Variants in SCUBE2 observed in about 807,000 individuals in gnomAD.
SCUBE2 encodes signal peptide, CUB and EGF-like domain-containing protein 2.
In SCUBE2, 114 loss-of-function variants were observed where a neutral mutation model predicts 125.9. The ratio of observed to expected loss-of-function variants is 0.91; its 90% CI spans 0.78 to 1.06. The LOEUF (loss-of-function observed/expected upper bound fraction) is 1.06, where lower values mean the gene tolerates loss of function less well. Among genes scored for constraint, SCUBE2 ranks in the 50% least tolerant of loss-of-function variants. SCUBE2 has a pLI of 0.00. For missense variants in SCUBE2, 1,255 were observed against 1,301.8 expected (o/e 0.96, Z 0.55); for synonymous variants, 459 against 492.9 (o/e 0.93, Z 0.91).
At chr11:9,070,731 C>A (rs1462183084) in intron 4 of SCUBE2, among the ~76,000 whole-genome samples, 1 of 152,226 alleles carries the variant, frequency 6.6e-6, no homozygotes, top group African/African-American at 2.4e-5. Flanking sequence ...CCAGCTCCCA[C>A]TCCAGAGCTG....
chr11:9,052,931 T>C, intron 12 of SCUBE2, 99 bp from the exon 13 acceptor site: 1 of 1,083,918 alleles, frequency 9.2e-7, no homozygotes, highest in Non-Finnish European at 1.3e-6. Flanking sequence ...CATGGGCCAC[T>C]AGAAAAATGC....
At chr11:9,075,045 G>A (rs535698827) in intron 3 of SCUBE2, among the ~76,000 whole-genome samples, 9 of 152,006 alleles carry the variant, frequency 5.9e-5, no homozygotes, top group South Asian at 2.1e-4. Context: ...GTGAAACCCC[G>A]TCTCTATTAA....
At chr11:9,022,940 C>CTTTA (rs957927238) in intron 21 of SCUBE2, among the ~76,000 whole-genome samples, 3 of 152,022 alleles carry the variant, frequency 2.0e-5, no homozygotes, top group African/African-American at 7.2e-5. Flanking sequence ...CTCTTCTCTC[C>CTTTA]TTTATTTGAA....
chr11:9,063,236 ACT>A (rs1859861588), intron 7 of SCUBE2, among the ~76,000 whole-genome samples: 1 of 151,898 alleles, frequency 6.6e-6, no homozygotes, highest in East Asian at 1.9e-4. Context: ...ACAGAACAAG[ACT>A]CTGTCTCAAA....
intron 16 of SCUBE2, among the ~76,000 whole-genome samples, chr11:9,041,085 G>A (rs186116118): frequency 2.0e-5 from 3 of 152,322 alleles, no homozygotes; most frequent in Admixed American, 2.0e-4. Context: ...TATCAATAAT[G>A]AACTTCGCCC....
In SCUBE2 at chr11:9,091,478, C is replaced by T; in HGVS notation, c.51G>A (p.Leu17=). The T allele has an allele frequency of 7.9e-7, 1 of 1,270,332 alleles. No homozygotes were observed. The highest frequency in any genetic ancestry group is 1.0e-6 in the Non-Finnish European group (1 of 985,626). The allele number at this position is 1,270,332 out of a possible 1,614,324, so 78.7% of individuals were successfully genotyped here. The change falls in exon 1 of 23, where the codon CTG becomes CTA. Residue 17 remains leucine, a synonymous_variant. Transcript: ENST00000649792. This position sits in a 1 kb window ranked among gnomAD's most constrained non-coding sequence, Gnocchi z 8.5. ...GCAGTGGCGGCAGCAGCAGCAGCAG[C>T]AGCAGCACCGCCCAGGCCGCCCCGG... The part of the protein sequence containing the change: ...NRPGAAWAVL[L]LLLLLPPLLL...
At chr11:9,066,061 TC>T in intron 6 of SCUBE2, 81 bp from the exon 7 acceptor site, 2 of 930,600 alleles carry the variant, frequency 2.1e-6, no homozygotes, top group Non-Finnish European at 3.4e-6. Context: ...TTTGCTGAAA[TC>T]CCAGACATAA....
chr11:9,035,669 T>C (rs1050851533), intron 16 of SCUBE2, among the ~76,000 whole-genome samples: 1 of 152,150 alleles, frequency 6.6e-6, no homozygotes, highest in Non-Finnish European at 1.5e-5. Context: ...CGTTCTCTGT[T>C]ATAAGAAATA....
chr11:9,034,830 C>CAAAT (rs1856622879), intron 16 of SCUBE2, among the ~76,000 whole-genome samples: 1 of 151,550 alleles, frequency 6.6e-6, no homozygotes, highest in Non-Finnish European at 1.5e-5. Flanking sequence ...AAAAAACAAA[C>CAAAT]AAACAAAACA....
At chr11:9,068,613 A>T (rs935494113) in intron 5 of SCUBE2, among the ~76,000 whole-genome samples, 1 of 152,206 alleles carries the variant, frequency 6.6e-6, no homozygotes, top group African/African-American at 2.4e-5. Flanking sequence ...GAGGCTTCTG[A>T]TAGCAGAGGA....
chr11:9,065,662 G>C (rs926249556), intron 7 of SCUBE2, among the ~76,000 whole-genome samples: 1 of 152,114 alleles, frequency 6.6e-6, no homozygotes, highest in African/African-American at 2.4e-5. Flanking sequence ...GGCTGCATTG[G>C]GACGTTAACC....
chr11:9,027,442 G>C lies in SCUBE2; in HGVS notation c.2623C>G (p.Arg875Gly), dbSNP rs538070222. The C allele has an allele frequency of 6.2e-7, 1 of 1,613,952 alleles. No individual in the cohort carries two copies. The highest frequency in any genetic ancestry group is 1.3e-5 in the African/African-American group (1 of 74,880). ...ATCTCAGGGACCACGATCAGGATGC[G>C]GCGCTTGGGGGGTGGGTTGATGGTC... ...TWTINPPPKR[R>G]ILIVVPEIFL... Residue 875 changes from arginine to glycine, a missense_variant, in exon 20 of 23, where the codon CGC becomes GGC. Arg to Gly is a moderately radical substitution (Grantham distance 125). Around this residue, in one of 3 missense-constraint regions of SCUBE2, gnomAD observed 515 missense variants for 515.7 expected, o/e 1.00. Coordinates refer to ENST00000649792, the MANE Select transcript of SCUBE2 (RefSeq NM_001367977.2).
Position 9,021,007 on chromosome 11 carries a change from A to G in SCUBE2, c.*38T>C. 2 of 1,594,086 alleles carry G rather than the reference A, an allele frequency of 1.3e-6. No homozygotes were observed. The highest frequency in any genetic ancestry group is 1.3e-5 in the African/African-American group (1 of 74,602). On this transcript the variant is annotated 3_prime_UTR_variant, in exon 23 of 23. Transcript: ENST00000649792. ...AAGACAGCTCTGTCCCACCAACCCT[A>G]TAGCAGAACATTTGTATTGAGTGGC...
chr11:9,066,102 C>T (rs960410941), intron 6 of SCUBE2, 122 bp from the exon 7 acceptor site: 15 of 680,864 alleles, frequency 2.2e-5, no homozygotes, highest in Admixed American at 1.0e-4. Context: ...ACTCTGTTCA[C>T]GCAATAAAAA....
rs1180517586 is a variant in SCUBE2, at chr11:9,091,588, G to T, written c.-60C>A. On this transcript the variant is annotated 5_prime_UTR_variant, in exon 1 of 23. Coordinates refer to ENST00000649792, the MANE Select transcript of SCUBE2 (RefSeq NM_001367977.2). This position sits in a 1 kb window ranked among gnomAD's most constrained non-coding sequence, Gnocchi z 8.5. The stretch of plus-strand genomic sequence containing the variant: ...GTGCGGGCGGTGGCGGCGGCGGCGC[G>T]GGGAGGTGTGCGCGGACGCCCTGCC... The T allele has an allele frequency of 3.0e-6, 1 of 329,268 alleles. No individual in the cohort carries two copies. The allele number at this position is 329,268 out of a possible 1,614,324, so 20.4% of individuals were successfully genotyped here.
chr11:9,074,629 G>C lies in SCUBE2; in HGVS notation c.383-14C>G, dbSNP rs888932702. 1 of 1,614,112 alleles carries C rather than the reference G, an allele frequency of 6.2e-7. No individual in the cohort carries two copies. Among genetic ancestry groups the C allele is most frequent in the Non-Finnish European group, 8.5e-7 (1 of 1,179,966 alleles). On this transcript the variant is annotated splice_polypyrimidine_tract_variant and intron_variant, in intron 3 of 22. Coordinates refer to ENST00000649792, the MANE Select transcript of SCUBE2 (RefSeq NM_001367977.2). ...ACTCGTCCACATCTGGAAGGAGAGA[G>C]GGATTAGCCTTTGCTTTGGTGACTG...
chr11:9,028,862 A>G (rs1180267498), intron 19 of SCUBE2, among the ~76,000 whole-genome samples: 3 of 152,182 alleles, frequency 2.0e-5, no homozygotes, highest in African/African-American at 4.8e-5. Context: ...CTAAAGTCCA[A>G]TCCACCAACA....
intron 3 of SCUBE2, among the ~76,000 whole-genome samples, chr11:9,076,333 G>A (rs1248513613): frequency 1.3e-5 from 2 of 151,916 alleles, no homozygotes; most frequent in African/African-American, 4.8e-5. Context: ...GGCCTTAGGG[G>A]ACCTTCCTCC....
chr11:9,074,451 C>T (rs1481249097), intron 4 of SCUBE2, 30 bp downstream of exon 4: 1 of 1,612,864 alleles, frequency 6.2e-7, no homozygotes. Flanking sequence ...AGATGTGGCT[C>T]TGCCCCCATC....
Sources: gnomAD v4.1 joint callset for allele counts (sites outside exome capture counted in the v4.1 genomes callset) on GRCh38, gnomAD v4.1.1 for gene constraint, gnomAD v4.1.1 regional missense constraint, Gnocchi (gnomAD v3.1) non-coding constraint, MANE v1.5 for transcripts, NCBI Gene and HGNC (gene_info 2026-07-23, HGNC 2026-07-21) for gene names.